Variants in EPHA7 observed in about 807,000 individuals in gnomAD.
EPHA7 encodes the protein ephrin type-A receptor 7.
EPHA7 carries 25 observed loss-of-function variants against 112.6 expected under a neutral mutation model. That is an observed-to-expected ratio of 0.22 (90% CI 0.16 to 0.31). The LOEUF (loss-of-function observed/expected upper bound fraction) is 0.31, where lower values mean the gene tolerates loss of function less well. Ranked by LOEUF, EPHA7 falls within the 10% of genes least tolerant of loss-of-function variation. EPHA7 has a pLI of 1.00. For synonymous variants in EPHA7, 437 were observed against 406.5 expected (o/e 1.07, Z -0.90); for missense variants, 962 against 1,212.6 (o/e 0.79, Z 3.07).
At chr6:93,381,092 C>A (rs919334358) in intron 3 of EPHA7, among the ~76,000 whole-genome samples, 1 of 152,106 alleles carries the variant, frequency 6.6e-6, no homozygotes, top group Non-Finnish European at 1.5e-5. Flanking sequence ...AGATACAATA[C>A]ATAATTATTT....
At chr6:93,372,164 T>C (rs1446889045) in intron 3 of EPHA7, among the ~76,000 whole-genome samples, 1 of 152,176 alleles carries the variant, frequency 6.6e-6, no homozygotes, top group East Asian at 1.9e-4. Flanking sequence ...TCAAGCATTG[T>C]ATAAGAACTT....
chr6:93,371,723 TCTATATTAATGGTG>T (rs1776808830), intron 3 of EPHA7, among the ~76,000 whole-genome samples: 1 of 152,238 alleles, frequency 6.6e-6, no homozygotes, highest in Non-Finnish European at 1.5e-5. Context: ...TGATTCTACC[TCTATATTAATGGTG>T]CTATAAACGA....
In EPHA7 at chr6:93,324,240, A is replaced by G. The variant is rs1406363325; in HGVS notation, c.1324+32477T>C. 4.6e-5 allele frequency among the ~76,000 whole-genome samples: 7 copies of G among 151,454 alleles called. No homozygotes were observed. In the Admixed American group the frequency reaches 4.6e-4, roughly 10 times the overall value. ...CCAACATATGAGTATATTAACTAACATAAAATATGCCTCTAATTAAATCCT... is the reference window on the plus strand; with the variant it reads ...CCAACATATGAGTATATTAACTAACGTAAAATATGCCTCTAATTAAATCCT... On this transcript the variant is annotated intron_variant, in intron 5 of 16. Coordinates refer to ENST00000369303, the MANE Select transcript of EPHA7 (RefSeq NM_004440.4).
chr6:93,282,277 T>C (rs1465492764), intron 5 of EPHA7, among the ~76,000 whole-genome samples: 2 of 152,258 alleles, frequency 1.3e-5, no homozygotes, highest in Non-Finnish European at 2.9e-5. Context: ...ATAAATCCTA[T>C]TTATCCATTT....
chr6:93,281,442 G>C (rs1488100295), intron 5 of EPHA7, among the ~76,000 whole-genome samples: 2 of 152,072 alleles, frequency 1.3e-5, no homozygotes, highest in African/African-American at 4.8e-5. Flanking sequence ...TACTTCACAA[G>C]GTCAACTATA....
chr6:93,322,597 G>C (rs1774129851), intron 5 of EPHA7, among the ~76,000 whole-genome samples: 1 of 151,516 alleles, frequency 6.6e-6, no homozygotes, highest in Admixed American at 6.6e-5. Flanking sequence ...TTTTTGGTAA[G>C]GGAATATTTT....
intron 5 of EPHA7, among the ~76,000 whole-genome samples, chr6:93,309,845 G>A (rs351321): frequency 0.25 from 38,357 of 151,974 alleles, 4,813 homozygotes; most frequent in Admixed American, 0.29. Flanking sequence ...GAACAATATC[G>A]TTAAGTATTC....
At chr6:93,412,093 T>C (rs1382270697) in intron 2 of EPHA7, among the ~76,000 whole-genome samples, 1 of 152,092 alleles carries the variant, frequency 6.6e-6, no homozygotes, top group Non-Finnish European at 1.5e-5. Context: ...TCATTTCACC[T>C]AGGAATCTTA....
intron 3 of EPHA7, among the ~76,000 whole-genome samples, chr6:93,393,245 A>C (rs934897735): frequency 6.6e-6 from 1 of 151,904 alleles, no homozygotes; most frequent in African/African-American, 2.4e-5. Flanking sequence ...CATAGCCCTC[A>C]GCTATGATAG....
intron 7 of EPHA7, 32 bp from the exon 8 acceptor site, chr6:93,264,734 T>C: frequency 7.5e-7 from 1 of 1,338,690 alleles, no homozygotes; most frequent in Non-Finnish European, 1.0e-6. Context: ...TCAGAAATAC[T>C]TGACACCATG....
At chr6:93,299,119 G>T (rs1772832192) in intron 5 of EPHA7, among the ~76,000 whole-genome samples, 1 of 152,046 alleles carries the variant, frequency 6.6e-6, no homozygotes, top group African/African-American at 2.4e-5. Context: ...GAGGTCAGGA[G>T]ATCGAGACCA....
intron 1 of EPHA7, among the ~76,000 whole-genome samples, chr6:93,415,761 G>C (rs7771033): frequency 0.019 from 2,910 of 152,082 alleles, 98 homozygotes; most frequent in African/African-American, 0.067. Flanking sequence ...TAAATTTTAA[G>C]TATGTCAATA....
At chr6:93,258,878 T>A (rs1023644493) in intron 10 of EPHA7, among the ~76,000 whole-genome samples, 1 of 151,678 alleles carries the variant, frequency 6.6e-6, no homozygotes, top group African/African-American at 2.4e-5. Flanking sequence ...TAAAAATACA[T>A]ACATATAGAA....
At chr6:93,383,890 G>A (rs1315505820) in intron 3 of EPHA7, among the ~76,000 whole-genome samples, 2 of 152,046 alleles carry the variant, frequency 1.3e-5, no homozygotes, top group Non-Finnish European at 2.9e-5. Flanking sequence ...GTCTTGCTTT[G>A]TTGCCCAGGC....
chr6:93,382,024 T>C (rs531006033), intron 3 of EPHA7, among the ~76,000 whole-genome samples: 2 of 152,316 alleles, frequency 1.3e-5, no homozygotes, highest in Admixed American at 1.3e-4. Context: ...TAAAAAGAAT[T>C]TGATATAAGT....
intron 3 of EPHA7, among the ~76,000 whole-genome samples, chr6:93,375,315 A>G (rs180793259): frequency 5.3e-5 from 8 of 152,106 alleles, no homozygotes; most frequent in Non-Finnish European, 1.0e-4. Context: ...ACTTAACAAG[A>G]CTGATAAAAA....
In EPHA7 at chr6:93,242,438, T is replaced by A. The variant is rs909402856; in HGVS notation, c.*988A>T. The A allele has an allele frequency of 5.2e-6, 1 of 193,444 alleles. No homozygotes were observed. The highest frequency in any genetic ancestry group is 1.1e-5 in the Non-Finnish European group (1 of 92,498). 12.0% of individuals were successfully genotyped at this position (193,444 alleles called of 1,614,324 possible). A position where few individuals can be genotyped will look rare whatever the true frequency, so the allele number is the denominator to read the frequency against. ...ATATAAAATATATGTCAACTATTTA[T>A]CCTAAATTTCCTAATGTCACGAGAA... is the stretch of plus-strand genomic sequence containing the variant. On this transcript the variant is annotated 3_prime_UTR_variant, in exon 17 of 17. Coordinates refer to ENST00000369303, the MANE Select transcript of EPHA7 (RefSeq NM_004440.4).
intron 5 of EPHA7, among the ~76,000 whole-genome samples, chr6:93,297,209 G>T (rs1772718021): frequency 6.6e-6 from 1 of 151,998 alleles, no homozygotes; most frequent in African/African-American, 2.4e-5. Context: ...TGTCTTCACA[G>T]AAGGCATTTT....
chr6:93,373,061 A>G lies in EPHA7; in HGVS notation c.833-14650T>C, dbSNP rs899309937. Among the ~76,000 whole-genome samples the G allele has an allele frequency of 9.9e-4, 150 of 152,044 alleles. 3 individuals carry two copies. The highest frequency in any genetic ancestry group is 2.5e-4 in the Non-Finnish European group (17 of 67,910). ...TGTCAAAATAGTTGTCTGGATTAAAATACATACATTTTCTGTTCAAATATT... is the reference window on the plus strand; with the variant it reads ...TGTCAAAATAGTTGTCTGGATTAAAGTACATACATTTTCTGTTCAAATATT... On this transcript the variant is annotated intron_variant, in intron 3 of 16. Transcript: ENST00000369303.
Sources: allele counts gnomAD v4.1 joint callset (sites outside exome capture counted in the v4.1 genomes callset), GRCh38; gene constraint gnomAD v4.1.1; transcripts MANE v1.5; gene names NCBI Gene and HGNC (gene_info 2026-07-23, HGNC 2026-07-21).